Variants in SQSTM1 observed in about 807,000 individuals in gnomAD.
The protein encoded by SQSTM1 is sequestosome 1, also known as sequestosome-1.
A neutral mutation model predicts 45.1 loss-of-function variants in SQSTM1; 36 were observed. That is an observed-to-expected ratio of 0.80 (90% confidence interval 0.61 to 1.05). SQSTM1 has a LOEUF of 1.05. Among genes scored for constraint, SQSTM1 ranks in the 50% least tolerant of loss-of-function variants. The probability of loss-of-function intolerance (pLI) is 0.00; values close to 1 mark genes in which losing one functional copy is unlikely to be tolerated. For missense variants in SQSTM1, 617 were observed against 607.1 expected, an observed-to-expected ratio of 1.02 and a Z score of -0.17; for synonymous variants, 290 against 244.3, an observed-to-expected ratio of 1.19 and a Z score of -1.74.
At chr5:179,832,925 G>C in intron 5 of SQSTM1, 107 bp from the exon 6 acceptor site, 1 of 1,148,574 alleles carries the variant, frequency 8.7e-7, no homozygotes, top group Non-Finnish European at 1.3e-6. Context: ...TGTGGGGACT[G>C]AACGTTGAGA....
chr5:179,811,395 T>C (rs1371100406), intron 1 of SQSTM1, among the ~76,000 whole-genome samples: 1 of 20,962 alleles, frequency 4.8e-5, no homozygotes, highest in African/African-American at 2.0e-4. Flanking sequence ...GGAGGAGCTA[T>C]GCAGGGGGAG....
At chr5:179,818,598 A>C (rs555821119), upstream of SQSTM1, among the ~76,000 whole-genome samples, 95 of 152,152 alleles carry the variant, frequency 6.2e-4, no homozygotes, top group Non-Finnish European at 1.2e-3. Flanking sequence ...TCCTGGGACC[A>C]CTGGGCGCTT....
intron 4 of SQSTM1, 146 bp from the exon 5 acceptor site, chr5:179,825,000 A>G: frequency 1.4e-6 from 1 of 740,676 alleles, no homozygotes; most frequent in Non-Finnish European, 2.4e-6. Flanking sequence ...GAGGAAGGAG[A>G]GGGGGATGCT....
chr5:179,816,146 C>T (rs1233607251), upstream of SQSTM1, among the ~76,000 whole-genome samples: 5 of 152,116 alleles, frequency 3.3e-5, no homozygotes, highest in African/African-American at 1.2e-4. Flanking sequence ...GAGGATAATT[C>T]TTCCAGAAGG....
chr5:179,823,427 G>A, intron 2 of SQSTM1: 1 of 162,012 alleles, frequency 6.2e-6, no homozygotes, highest in African/African-American at 3.4e-5. Flanking sequence ...TCACATGACT[G>A]TACTCCAGCC....
chr5:179,828,569 T>A (rs1758094866), intron 5 of SQSTM1, among the ~76,000 whole-genome samples: 1 of 152,116 alleles, frequency 6.6e-6, no homozygotes, highest in South Asian at 2.1e-4. Context: ...AGACGAGGTT[T>A]CTCTGTGTTG....
At chr5:179,810,644 C>T (rs1052988130) in intron 1 of SQSTM1, among the ~76,000 whole-genome samples, 1 of 152,140 alleles carries the variant, frequency 6.6e-6, no homozygotes, top group South Asian at 2.1e-4. Flanking sequence ...AATGGGATTG[C>T]TGGGTCAAAT....
At chr5:179,821,431 T>C in intron 1 of SQSTM1, 1 of 611,770 alleles carries the variant, frequency 1.6e-6, no homozygotes, top group Non-Finnish European at 3.0e-6. Context: ...GACGCCCCGC[T>C]CCACCCCCCG....
At chr5:179,836,054 A>C (rs1036329859) in intron 7 of SQSTM1, 4 of 343,996 alleles carry the variant, frequency 1.2e-5, no homozygotes, top group East Asian at 6.6e-5. Context: ...GTATCCATTC[A>C]TCTCTCTCCA....
chr5:179,830,660 G>C (rs1235869583), intron 5 of SQSTM1, among the ~76,000 whole-genome samples: 1 of 151,956 alleles, frequency 6.6e-6, no homozygotes, highest in Non-Finnish European at 1.5e-5. Flanking sequence ...CTGGGTTCAA[G>C]CAATTTTCTG....
rs913854594 is a variant in SQSTM1 at position 179,836,947 on chromosome 5, A to G, written c.*354A>G. ...TTCTCTTTTGTTTTAAATGACTCAT[A>G]GGTCCCTGACATTTAGTTGATTATT... On this transcript the variant is annotated 3_prime_UTR_variant, in exon 8 of 8. Coordinates refer to ENST00000389805, the MANE Select transcript of SQSTM1 (RefSeq NM_003900.5). 6.6e-6 allele frequency: 4 copies of G among 606,940 alleles called. No individual in the cohort carries two copies. Among genetic ancestry groups the G allele is most frequent in the Admixed American group, 5.9e-5 (2 of 33,822 alleles). The allele number at this position is 606,940 out of a possible 1,614,324, so 37.6% of individuals were successfully genotyped here.
Position 179,836,535 on chromosome 5 carries a change from A to G in SQSTM1, c.1265A>G (p.Tyr422Cys), listed in dbSNP as rs1471403162. ...WLTRLLQTKN[Y>C]DIGAALDTIQ... Reference sequence around the variant, plus strand: ...ACCAGGCTCCTGCAGACCAAGAACTATGACATCGGAGCGGCTCTGGACACC... The same window carrying G: ...ACCAGGCTCCTGCAGACCAAGAACTGTGACATCGGAGCGGCTCTGGACACC... The change falls in exon 8 of 8, where the codon TAT (tyrosine) becomes TGT (cysteine). Residue 422 changes from tyrosine (Y) to cysteine (C), a missense_variant. Physicochemically the swap from Tyr to Cys is radical, Grantham distance 194 (BLOSUM62 -2). Coordinates refer to ENST00000389805, the MANE Select transcript of SQSTM1 (RefSeq NM_003900.5). The G allele has an allele frequency of 3.1e-6, 5 of 1,614,026 alleles. No individual in the cohort carries two copies. Among genetic ancestry groups the G allele is most frequent in the Non-Finnish European group, 4.2e-6 (5 of 1,180,030 alleles).
At chr5:179,832,077 T>C (rs923893256) in intron 5 of SQSTM1, among the ~76,000 whole-genome samples, 4 of 152,240 alleles carry the variant, frequency 2.6e-5, no homozygotes, top group Middle Eastern at 3.4e-3. Context: ...GCCACTGCGC[T>C]CGGCCTACTG....
upstream of SQSTM1, among the ~76,000 whole-genome samples, chr5:179,816,399 C>G (rs1175418254): frequency 1.3e-5 from 2 of 148,390 alleles, no homozygotes; most frequent in African/African-American, 5.0e-5. Context: ...CCGCCCACCT[C>G]GGCCTCCCAG....
In SQSTM1 at chr5:179,806,498, C is replaced by T. The variant is rs1372745301; in HGVS notation, c.-250C>T. ...GGGGTCGCGCTCACCTTTCTGGCCGCTGAGTGCCGCGTACCAGGACAGCGA... is the reference window on the plus strand; with the variant it reads ...GGGGTCGCGCTCACCTTTCTGGCCGTTGAGTGCCGCGTACCAGGACAGCGA... On this transcript the variant is annotated 5_prime_UTR_variant, in exon 1 of 6. Transcript: ENST00000514093. The surrounding 1 kb of genome is among the most constrained non-coding windows in gnomAD (Gnocchi z 4.6). 19 of 1,314,558 alleles carry T rather than the reference C, an allele frequency of 1.4e-5. No homozygotes were observed. Among genetic ancestry groups the T allele is most frequent in the African/African-American group, 1.6e-5 (1 of 64,062 alleles). 81.4% of individuals were successfully genotyped at this position (1,314,558 alleles called of 1,614,324 possible).
At chr5:179,810,564 C>T (rs980994104) in intron 1 of SQSTM1, among the ~76,000 whole-genome samples, 9 of 152,216 alleles carry the variant, frequency 5.9e-5, no homozygotes, top group East Asian at 1.9e-4. Context: ...TGAATAGTGC[C>T]GCAATAAACA....
chr5:179,835,827 G>T (rs989530789), intron 7 of SQSTM1: 1 of 165,936 alleles, frequency 6.0e-6, no homozygotes, highest in Non-Finnish European at 1.3e-5. Context: ...CCAAGTTGCT[G>T]CAAAAGGTAT....
At chr5:179,821,438 C>G (rs1161096733) in intron 1 of SQSTM1, 8 of 611,820 alleles carry the variant, frequency 1.3e-5, no homozygotes, top group Admixed American at 8.6e-5. Flanking sequence ...CGCTCCACCC[C>G]CCGCGCTGTT....
At chr5:179,818,012 CAA>C (rs528143529), upstream of SQSTM1, among the ~76,000 whole-genome samples, 777 of 28,942 alleles carry the variant, frequency 0.027, no homozygotes, top group Middle Eastern at 0.12. Flanking sequence ...GAGACTGTCT[CAA>C]AAAAAAAAAA....
Sources: gnomAD v4.1 joint callset for allele counts (sites outside exome capture counted in the v4.1 genomes callset) on GRCh38, gnomAD v4.1.1 for gene constraint, Gnocchi (gnomAD v3.1) non-coding constraint, MANE v1.5 for transcripts, NCBI Gene and HGNC (gene_info 2026-07-23, HGNC 2026-07-21) for gene names.